ZFHX3: variants seen among roughly 807,000 people sequenced by gnomAD.
ZFHX3 encodes the protein zinc finger homeobox 3, also known as zinc finger homeobox protein 3.
Under a neutral mutation model 279.1 loss-of-function variants are expected in ZFHX3, and 42 were observed. The observed-to-expected ratio is 0.15, with a 90% confidence interval of 0.12 to 0.19. ZFHX3 has a LOEUF of 0.19. Ranked by LOEUF, ZFHX3 falls within the 10% of genes least tolerant of loss-of-function variation. The probability of loss-of-function intolerance (pLI) is 1.00; values close to 1 mark genes in which losing one functional copy is unlikely to be tolerated. For synonymous variants in ZFHX3, 2,293 were observed against 1,957.8 expected, an observed-to-expected ratio of 1.17 and a Z score of -4.52; for missense variants, 4,981 against 4,754.0, an observed-to-expected ratio of 1.05 and a Z score of -1.40.
At chr16:73,878,039 T>C (rs2030011601) in intron 1 of ZFHX3, among the ~76,000 whole-genome samples, 1 of 152,084 alleles carries the variant, frequency 6.6e-6, no homozygotes, top group Non-Finnish European at 1.5e-5. Context: ...CATTTCTCTT[T>C]TTGGTTGAAA....
At chr16:73,454,359 T>C (rs1476223506) in intron 3 of ZFHX3, among the ~76,000 whole-genome samples, 1 of 152,168 alleles carries the variant, frequency 6.6e-6, no homozygotes, top group Non-Finnish European at 1.5e-5. Context: ...GTAGGTTCTT[T>C]GAAGTAGACT....
In ZFHX3 at chr16:73,600,108, A is replaced by G. The variant is rs535927213; in HGVS notation, c.-1547+80072T>C. Among the ~76,000 whole-genome samples, 11 of 152,312 alleles carry G rather than the reference A, an allele frequency of 7.2e-5. No individual in the cohort carries two copies. The South Asian group carries it at 2.3e-3, about 32-fold the overall frequency. On this transcript the variant is annotated intron_variant, in intron 2 of 17. Transcript: ENST00000641206. ...AAGGGAATTCTGAGATGTTCTTTGT[A>G]TCAGAATGTAGGATGCCTTGCAGTT... is the stretch of plus-strand genomic sequence containing the variant.
intron 1 of ZFHX3, among the ~76,000 whole-genome samples, chr16:73,836,629 C>T (rs1961150766): frequency 1.3e-5 from 2 of 152,182 alleles, no homozygotes; most frequent in Non-Finnish European, 2.9e-5. Flanking sequence ...ATATGATCAG[C>T]ATTAACTGGT....
intron 2 of ZFHX3, among the ~76,000 whole-genome samples, chr16:72,954,046 A>C (rs965121709): frequency 2.6e-5 from 4 of 152,220 alleles, no homozygotes; most frequent in African/African-American, 4.8e-5. Flanking sequence ...AATCTCACCC[A>C]GTTCACAAAC....
At chr16:73,130,597 C>CAACAA (rs1249037735) in intron 7 of ZFHX3, among the ~76,000 whole-genome samples, 5 of 152,160 alleles carry the variant, frequency 3.3e-5, no homozygotes, top group African/African-American at 1.2e-4. Context: ...AAGAAAATAA[C>CAACAA]AACAAAACAA....
At chr16:72,850,720 A>C (rs1281333474) in intron 4 of ZFHX3, among the ~76,000 whole-genome samples, 1 of 152,230 alleles carries the variant, frequency 6.6e-6, no homozygotes, top group Non-Finnish European at 1.5e-5. Context: ...CTTTGGGCTC[A>C]AAGGATTGAC....
At chr16:73,656,073 G>C (rs1318654117) in intron 2 of ZFHX3, among the ~76,000 whole-genome samples, 1 of 152,200 alleles carries the variant, frequency 6.6e-6, no homozygotes. Flanking sequence ...TCAGTCACTT[G>C]AATCAGGGGT....
intron 3 of ZFHX3, among the ~76,000 whole-genome samples, chr16:72,896,830 G>C (rs149431951): frequency 8.5e-5 from 13 of 152,314 alleles, no homozygotes; most frequent in African/African-American, 2.9e-4. Context: ...GTCAAAGCCT[G>C]CCCTTTAAAG....
At chr16:73,736,293 G>T (rs1331322503) in intron 1 of ZFHX3, among the ~76,000 whole-genome samples, 1 of 152,168 alleles carries the variant, frequency 6.6e-6, no homozygotes, top group African/African-American at 2.4e-5. Flanking sequence ...AAAACTAGAT[G>T]CAGGGGCAGC....
At chr16:72,827,620 C>G (rs1351213248) in intron 5 of ZFHX3, among the ~76,000 whole-genome samples, 1 of 152,206 alleles carries the variant, frequency 6.6e-6, no homozygotes, top group African/African-American at 2.4e-5. Context: ...ATTTGTTTAG[C>G]TCTCATTCAA....
chr16:73,313,976 G>C (rs1252038232), intron 4 of ZFHX3, among the ~76,000 whole-genome samples: 2 of 152,156 alleles, frequency 1.3e-5, no homozygotes, highest in East Asian at 3.9e-4. Flanking sequence ...GCACACACCT[G>C]TAGTCCCAGC....
At chr16:73,192,359 C>T (rs1968059854) in intron 5 of ZFHX3, among the ~76,000 whole-genome samples, 1 of 152,194 alleles carries the variant, frequency 6.6e-6, no homozygotes, top group Non-Finnish European at 1.5e-5. Context: ...CCACCCGCCG[C>T]CCTGGCTTCC....
intron 2 of ZFHX3, among the ~76,000 whole-genome samples, chr16:73,514,972 T>C (rs1053330683): frequency 6.6e-6 from 1 of 152,208 alleles, no homozygotes; most frequent in African/African-American, 2.4e-5. Context: ...TTTTACAATA[T>C]TGATATTTCC....
intron 7 of ZFHX3, among the ~76,000 whole-genome samples, chr16:73,122,685 T>G (rs1402876110): frequency 6.6e-6 from 1 of 152,044 alleles, no homozygotes; most frequent in Non-Finnish European, 1.5e-5. Context: ...GGGCACCAGA[T>G]GGGCACAGAG....
intron 8 of ZFHX3, among the ~76,000 whole-genome samples, chr16:72,799,744 G>A (rs1392110025): frequency 6.6e-6 from 1 of 152,140 alleles, no homozygotes; most frequent in Non-Finnish European, 1.5e-5. Flanking sequence ...CTGAGTCTCT[G>A]GTTATTCACT....
At chr16:73,402,052 A>C (rs2017266504) in intron 3 of ZFHX3, 2 of 152,236 alleles carry the variant, frequency 1.3e-5, no homozygotes, top group African/African-American at 4.8e-5. Flanking sequence ...AAGGAACATG[A>C]CAGATTTGTT....
At chr16:72,803,438 G>A (rs1260256280) in intron 7 of ZFHX3, among the ~76,000 whole-genome samples, 1 of 152,122 alleles carries the variant, frequency 6.6e-6, no homozygotes, top group Non-Finnish European at 1.5e-5. Flanking sequence ...GACAAAACCT[G>A]GTTGTAGCAT....
At chr16:73,535,071 GT>G (rs1201501765) in intron 2 of ZFHX3, among the ~76,000 whole-genome samples, 1 of 152,040 alleles carries the variant, frequency 6.6e-6, no homozygotes, top group Non-Finnish European at 1.5e-5. Flanking sequence ...GATTTGTAGT[GT>G]TAGCCGATTT....
In ZFHX3 at chr16:72,787,030, CTTTTTTTTCTT is replaced by C; in HGVS notation, c.*123_*133del. ...TATGGGAAAACAACCCACGCTTTTT[CTTTTTTTTCTT>C]TTTTTTTTTTTTTTTGTTTTTTGGT... On this transcript the variant is annotated 3_prime_UTR_variant, in exon 10 of 10. Coordinates refer to ENST00000268489, the MANE Select transcript of ZFHX3 (RefSeq NM_006885.4). The C allele has an allele frequency of 2.1e-6, 2 of 967,008 alleles. No homozygotes were observed. The highest frequency in any genetic ancestry group is 2.6e-6 in the Non-Finnish European group (2 of 763,436). 59.9% of individuals were successfully genotyped at this position (967,008 alleles called of 1,614,324 possible).
Sources: gnomAD v4.1 joint callset for allele counts (sites outside exome capture counted in the v4.1 genomes callset) on GRCh38, gnomAD v4.1.1 for gene constraint, MANE v1.5 for transcripts, NCBI Gene and HGNC (gene_info 2026-07-23, HGNC 2026-07-21) for gene names.